Variants in FLNB observed in about 807,000 individuals in gnomAD.
FLNB encodes filamin-B.
Under a neutral mutation model 250.6 loss-of-function variants are expected in FLNB, and 111 were observed. The ratio of observed to expected loss-of-function variants is 0.44; its 90% CI spans 0.38 to 0.52. The LOEUF is 0.52. FLNB is among the 20% of genes least tolerant of loss of function. The pLI is 0.00. For missense variants in FLNB, 2,869 were observed against 3,447.8 expected (o/e 0.83, Z 4.20); for synonymous variants, 1,302 against 1,372.1 (o/e 0.95, Z 1.13).
rs544936212 is a variant in FLNB at position 58,104,331 on chromosome 3, G to A, written c.1610+246G>A. On this transcript the variant is annotated intron_variant, in intron 10 of 45. Coordinates refer to ENST00000295956, the MANE Select transcript of FLNB (RefSeq NM_001457.4). Reference sequence around the variant, plus strand: ...TAGGGGCTGGTGGGAGGCAGGGGAGGCAGAAGGAGCAGTTAGAGCAAATGG... The same window carrying A: ...TAGGGGCTGGTGGGAGGCAGGGGAGACAGAAGGAGCAGTTAGAGCAAATGG... Among the ~76,000 whole-genome samples, 62 of 152,278 alleles carry A rather than the reference G, an allele frequency of 4.1e-4. 3 individuals are homozygous for A. The South Asian group carries it at 0.012, about 31-fold the overall frequency.
intron 18 of FLNB, among the ~76,000 whole-genome samples, chr3:58,114,268 G>A (rs957346464): frequency 1.3e-5 from 2 of 152,084 alleles, no homozygotes; most frequent in Admixed American, 1.3e-4. Context: ...ACCATGCCCA[G>A]CTAATTTTTG....
Position 58,116,326 on chromosome 3 carries a change from A to C in FLNB, c.2746-2546A>C, listed in dbSNP as rs76780424. 7.8e-3 allele frequency among the ~76,000 whole-genome samples: 1,185 copies of C among 152,308 alleles called. 18 individuals carry two copies. The highest frequency in any genetic ancestry group is 0.06 in the East Asian group (312 of 5,174). On this transcript the variant is annotated intron_variant, in intron 18 of 45. Transcript: ENST00000295956. The stretch of plus-strand genomic sequence containing the variant: ...AGGCACACCTTCTCATGGTAGTTTT[A>C]GGGTATAACAGGCTGGAAATCCCCA...
At chr3:58,013,922 A>G (rs2106680974) in intron 1 of FLNB, among the ~76,000 whole-genome samples, 1 of 152,384 alleles carries the variant, frequency 6.6e-6, no homozygotes, top group South Asian at 2.1e-4. Context: ...TCACTTGTGT[A>G]GTAGTTAAGA....
Position 58,169,494 on chromosome 3 carries a change from C to T in FLNB, c.7418-96C>T. ...TTTGTGTTGGGGTGCGCGGGCTCTC[C>T]TGGGGTTACTGTGTAGGGTACTCGC... On this transcript the variant is annotated intron_variant, in intron 44 of 45. Coordinates refer to ENST00000295956, the MANE Select transcript of FLNB (RefSeq NM_001457.4). This position sits in a 1 kb window ranked among gnomAD's most constrained non-coding sequence, Gnocchi z 4.8. 1 of 984,156 alleles carries T rather than the reference C, an allele frequency of 1.0e-6. No homozygotes were observed. The allele number at this position is 984,156 out of a possible 1,614,324, so 61.0% of individuals were successfully genotyped here.
At chr3:58,070,132 G>A (rs116110548) in intron 1 of FLNB, among the ~76,000 whole-genome samples, 102 of 146,820 alleles carry the variant, frequency 6.9e-4, no homozygotes, top group African/African-American at 2.2e-3. Flanking sequence ...CACTGCAACC[G>A]CGCCTCCTGG....
At chr3:58,103,251 C>T (rs528834690) in intron 9 of FLNB, among the ~76,000 whole-genome samples, 52 of 139,244 alleles carry the variant, frequency 3.7e-4, no homozygotes, top group Middle Eastern at 3.7e-3. Context: ...ATTATTCCAA[C>T]AGGAGCCAAG....
At chr3:58,138,573 A>G (rs2097320612) in intron 29 of FLNB, 44 bp downstream of exon 29, 3 of 1,611,814 alleles carry the variant, frequency 1.9e-6, no homozygotes, top group Admixed American at 1.7e-5. Flanking sequence ...ATTGGTGGAA[A>G]CTGTAACAGC....
chr3:58,085,742 C>A (rs1408591790), intron 4 of FLNB, among the ~76,000 whole-genome samples: 2 of 152,184 alleles, frequency 1.3e-5, no homozygotes, highest in East Asian at 3.9e-4. Flanking sequence ...TACTGTAGAG[C>A]AATCCTTAAG....
At chr3:58,028,622 T>A (rs1258868313) in intron 1 of FLNB, among the ~76,000 whole-genome samples, 1 of 150,832 alleles carries the variant, frequency 6.6e-6, no homozygotes, top group African/African-American at 2.4e-5. Flanking sequence ...TTTTCTTTTT[T>A]TTTTTTTTGA....
intron 22 of FLNB, 23 bp downstream of exon 22, chr3:58,124,528 T>C (rs768501422): frequency 1.9e-6 from 3 of 1,613,284 alleles, no homozygotes; most frequent in South Asian, 2.2e-5. Context: ...GTCCTCGGAC[T>C]GGACCCTCGT....
At chr3:58,159,448 A>G (rs2097358069) in intron 41 of FLNB, 106 bp from the exon 42 acceptor site, 4 of 1,136,232 alleles carry the variant, frequency 3.5e-6, no homozygotes, top group Non-Finnish European at 5.3e-6. Context: ...ATATAGAAAA[A>G]CCTATTTGCA....
intron 26 of FLNB, 118 bp from the exon 27 acceptor site, chr3:58,134,498 T>C (rs1452084833): frequency 8.4e-7 from 1 of 1,195,236 alleles, no homozygotes; most frequent in African/African-American, 1.5e-5. Context: ...TAACTCACTG[T>C]CTTATCTGCT....
At position 58,031,284 on chromosome 3, in the gene FLNB, C is replaced by T. The variant is rs148074208; in HGVS notation, c.292+22428C>T. On this transcript the variant is annotated intron_variant, in intron 1 of 45. Coordinates refer to ENST00000295956, the MANE Select transcript of FLNB (RefSeq NM_001457.4). ...TTCACATGGAGTCTCACTCTGTCGC[C>T]CAGGCTGGAGTGCAGTGTTGCGATC... 3.8e-3 allele frequency among the ~76,000 whole-genome samples: 584 copies of T among 152,200 alleles called. 2 individuals are homozygous for T. Among genetic ancestry groups the T allele is most frequent in the African/African-American group, 0.014 (562 of 41,536 alleles).
In FLNB at chr3:58,096,238, C is replaced by T; in HGVS notation, c.984+20C>T. The T allele has an allele frequency of 1.3e-6, 2 of 1,587,904 alleles. No homozygotes were observed. Among genetic ancestry groups the T allele is most frequent in the Non-Finnish European group, 1.7e-6 (2 of 1,156,516 alleles). The stretch of plus-strand genomic sequence containing the variant: ...CACAAAGTAAGATGAAGCAGCATGG[C>T]TGTGGCTTGGGCTGCTCTGGGGCTA... On this transcript the variant is annotated intron_variant, in intron 6 of 45. Transcript: ENST00000295956.
At chr3:58,071,255 C>G (rs571372324) in intron 1 of FLNB, among the ~76,000 whole-genome samples, 1 of 144,742 alleles carries the variant, frequency 6.9e-6, no homozygotes, top group African/African-American at 2.8e-5. Flanking sequence ...GGCCTACACA[C>G]CCCTATCTCT....
intron 2 of FLNB, 22 bp from the exon 3 acceptor site, chr3:58,078,695 A>G (rs2097204964): frequency 1.9e-6 from 3 of 1,606,502 alleles, no homozygotes; most frequent in Admixed American, 1.7e-5. Flanking sequence ...TGCTAAAAGA[A>G]TCTTTTGTGT....
At chr3:58,156,606 A>G (rs886355288) in intron 41 of FLNB, among the ~76,000 whole-genome samples, 1 of 152,182 alleles carries the variant, frequency 6.6e-6, no homozygotes, top group African/African-American at 2.4e-5. Context: ...TAATGATGGA[A>G]AAACAGAGAT....
Position 58,159,704 on chromosome 3 carries a change from T to C in FLNB, c.7021+18T>C, listed in dbSNP as rs748820218. ...GGAGCCAGGTGAGCAGGAGGCCTGC[T>C]GGGGGGTCCCAGCACCAGCACTTTC... On this transcript the variant is annotated intron_variant, in intron 42 of 45. Coordinates refer to ENST00000295956, the MANE Select transcript of FLNB (RefSeq NM_001457.4). 1 of 1,611,684 alleles carries C rather than the reference T, an allele frequency of 6.2e-7. No homozygotes were observed. The highest frequency in any genetic ancestry group is 8.5e-7 in the Non-Finnish European group (1 of 1,179,932).
intron 1 of FLNB, among the ~76,000 whole-genome samples, chr3:58,049,732 T>G (rs2097159347): frequency 6.6e-6 from 1 of 152,072 alleles, no homozygotes; most frequent in Admixed American, 6.5e-5. Context: ...CCTGGAAAAA[T>G]TGGCTTGCTC....
Sources: gnomAD v4.1 joint callset for allele counts (sites outside exome capture counted in the v4.1 genomes callset) on GRCh38, gnomAD v4.1.1 for gene constraint, Gnocchi (gnomAD v3.1) non-coding constraint, MANE v1.5 for transcripts, NCBI Gene and HGNC (gene_info 2026-07-23, HGNC 2026-07-21) for gene names.